Variants in NAT10 observed in about 807,000 individuals in gnomAD.
The protein encoded by NAT10 is RNA cytidine acetyltransferase.
NAT10 carries 109 observed loss-of-function variants against 132.2 expected under a neutral mutation model. The observed-to-expected ratio is 0.82, with a 90% CI of 0.71 to 0.97. The LOEUF (loss-of-function observed/expected upper bound fraction) is 0.97, where lower values mean the gene tolerates loss of function less well. Ranked by LOEUF, NAT10 falls within the 50% of genes least tolerant of loss-of-function variation. The pLI is 0.00. For synonymous variants in NAT10, 479 were observed against 478.0 expected, an observed-to-expected ratio of 1.00 and a Z score of -0.03; for missense variants, 1,184 against 1,263.4, an observed-to-expected ratio of 0.94 and a Z score of 0.95.
At chr11:34,138,238 G>A (rs190215406) in intron 21 of NAT10, among the ~76,000 whole-genome samples, 79 of 152,218 alleles carry the variant, frequency 5.2e-4, no homozygotes, top group African/African-American at 1.8e-3. Context: ...TTCATCCTTC[G>A]GAACAGGGAA....
chr11:34,121,431 G>T (rs1012252264), intron 8 of NAT10, among the ~76,000 whole-genome samples: 2 of 152,136 alleles, frequency 1.3e-5, no homozygotes, highest in African/African-American at 4.8e-5. Flanking sequence ...GGAGGCTTTG[G>T]CCCAAGCAGT....
chr11:34,135,084 G>C lies in NAT10; in HGVS notation c.1912-91G>C, dbSNP rs7101607. 270 of 988,740 alleles carry C rather than the reference G, an allele frequency of 2.7e-4. 2 individuals are homozygous for C. In the African/African-American group the frequency reaches 4.0e-3, roughly 15 times the overall value. 61.2% of individuals were successfully genotyped at this position (988,740 alleles called of 1,614,324 possible). ...CCGTGCTGTTTGACAGGGAGGGAAG[G>C]TTCTCTAGAAGCAATGCAGGGGAGT... On this transcript the variant is annotated intron_variant, in intron 18 of 28. Coordinates refer to ENST00000257829, the MANE Select transcript of NAT10 (RefSeq NM_024662.3).
chr11:34,122,652 G>T, intron 9 of NAT10, 60 bp downstream of exon 9: 1 of 1,594,534 alleles, frequency 6.3e-7, no homozygotes. Context: ...TAGTGTGCAG[G>T]GTTGGGGTCA....
intron 6 of NAT10, 30 bp downstream of exon 6, chr11:34,115,914 G>C (rs755816824): frequency 2.0e-4 from 322 of 1,608,092 alleles, no homozygotes; most frequent in Middle Eastern, 3.3e-4. Flanking sequence ...CAATTGTGGG[G>C]CAGCCACATT....
At position 34,139,561 on chromosome 11, in the gene NAT10, G is replaced by A. The variant is rs940532641; in HGVS notation, c.2419+66G>A. ...TGGCTGTGTGGGAGGTGGGTGTGGT[G>A]TCCTAGGAAGGGTTTGGGCTGGAAA... On this transcript the variant is annotated intron_variant, in intron 23 of 28. Coordinates refer to ENST00000257829, the MANE Select transcript of NAT10 (RefSeq NM_024662.3). 9.3e-5 allele frequency: 131 copies of A among 1,409,374 alleles called. 1 individual carries two copies. The highest frequency in any genetic ancestry group is 1.7e-5 in the Non-Finnish European group (17 of 996,676). The allele number at this position is 1,409,374 out of a possible 1,614,324, so 87.3% of individuals were successfully genotyped here. A position where few individuals can be genotyped will look rare whatever the true frequency, so the allele number is the denominator to read the frequency against.
chr11:34,129,250 C>T (rs1322314779), intron 12 of NAT10, among the ~76,000 whole-genome samples: 1 of 152,204 alleles, frequency 6.6e-6, no homozygotes, highest in African/African-American at 2.4e-5. Flanking sequence ...ACGTTCCCAC[C>T]AGCAGTATGA....
At position 34,138,675 on chromosome 11, in the gene NAT10, G is replaced by A. The variant is rs77680448; in HGVS notation, c.2212-516G>A. Reference sequence around the variant, plus strand: ...TGTGACTTGGTGGTGTTTTTATGGTGTGGGGCTTTGTTGTTATGGAGTAAA... The same window carrying A: ...TGTGACTTGGTGGTGTTTTTATGGTATGGGGCTTTGTTGTTATGGAGTAAA... On this transcript the variant is annotated intron_variant, in intron 21 of 28. Transcript: ENST00000257829. 9.3e-3 allele frequency among the ~76,000 whole-genome samples: 1,418 copies of A among 152,300 alleles called. 16 individuals carry two copies. Among genetic ancestry groups the A allele is most frequent in the African/African-American group, 0.032 (1,318 of 41,560 alleles).
Position 34,124,357 on chromosome 11 carries a change from T to C in NAT10, c.1064T>C (p.Val355Ala), listed in dbSNP as rs549960154. The change falls in exon 11 of 29, where the codon GTG becomes GCG. Residue 355 changes from valine (V) to alanine (A), a missense_variant. Physicochemically the swap from Val to Ala is moderately conservative, Grantham distance 64. Coordinates refer to ENST00000257829, the MANE Select transcript of NAT10 (RefSeq NM_024662.3). ...CTAAATCCTGAATTTAACAAAGCAG[T>C]GATCAGAGTGAATGTATTTCGAGAA... ...QSLNPEFNKA[V>A]IRVNVFREHR... 1 of 1,614,054 alleles carries C rather than the reference T, an allele frequency of 6.2e-7. No individual in the cohort carries two copies. Among genetic ancestry groups the C allele is most frequent in the South Asian group, 1.1e-5 (1 of 91,070 alleles).
At chr11:34,137,329 A>G (rs867989861) in intron 21 of NAT10, among the ~76,000 whole-genome samples, 63 of 152,208 alleles carry the variant, frequency 4.1e-4, no homozygotes, top group African/African-American at 1.5e-3. Context: ...ATCAAGGGTA[A>G]TTCCTAGAGT....
intron 21 of NAT10, among the ~76,000 whole-genome samples, chr11:34,137,953 A>G (rs1852247581): frequency 6.6e-6 from 1 of 152,124 alleles, no homozygotes. Context: ...AGTGGAGTGG[A>G]GGCTTTGGCC....
intron 11 of NAT10, among the ~76,000 whole-genome samples, chr11:34,126,407 T>C (rs965597358): frequency 6.6e-6 from 1 of 152,268 alleles, no homozygotes; most frequent in Non-Finnish European, 1.5e-5. Context: ...TTTTAACATT[T>C]GTTTTCAAGA....
chr11:34,124,284 G>C lies in NAT10; in HGVS notation c.1009-18G>C. 6.5e-7 allele frequency: 1 copy of C among 1,548,198 alleles called. No individual in the cohort carries two copies. The highest frequency in any genetic ancestry group is 8.9e-7 in the Non-Finnish European group (1 of 1,126,402). On this transcript the variant is annotated intron_variant, in intron 10 of 28. Coordinates refer to ENST00000257829, the MANE Select transcript of NAT10 (RefSeq NM_024662.3). ...AAACTTGTTTCTAAAGTTTGTCATT[G>C]GTTTGACTCCCCACCAGGAACATCT... is the stretch of plus-strand genomic sequence containing the variant.
rs1033098818 is a variant in NAT10 at position 34,143,346 on chromosome 11, A to G, written c.2886-99A>G. ...CACAGCTCAGCCTGGCTTTCATGAC[A>G]GGAAGTGTCTGATAAGAATGTTGTC... On this transcript the variant is annotated intron_variant, in intron 27 of 28. Transcript: ENST00000257829. 5 of 1,052,482 alleles carry G rather than the reference A, an allele frequency of 4.8e-6. No individual in the cohort carries two copies. In the African/African-American group the frequency reaches 6.4e-5, roughly 13 times the overall value. 65.2% of individuals were successfully genotyped at this position (1,052,482 alleles called of 1,614,324 possible).
At position 34,141,758 on chromosome 11, in the gene NAT10, A is replaced by G. The variant is rs1009250933; in HGVS notation, c.2752A>G (p.Met918Val). 2 of 1,614,120 alleles carry G rather than the reference A, an allele frequency of 1.2e-6. No individual in the cohort carries two copies. Among genetic ancestry groups the G allele is most frequent in the Middle Eastern group, 1.7e-4 (1 of 6,020 alleles). The change falls in exon 26 of 29, where the codon ATG (methionine) becomes GTG (valine). Residue 918 changes from methionine (M) to valine (V), a missense_variant. Met to Val is a conservative substitution (Grantham distance 21). Coordinates refer to ENST00000257829, the MANE Select transcript of NAT10 (RefSeq NM_024662.3). The stretch of plus-strand genomic sequence containing the variant: ...TCAGGAAAAGGCCATTGAGGAGCAG[A>G]TGGTGGCAGCGAAGGATGTGGTCAT... ...EVQEKAIEEQMVAAKDVVMEP... is the reference protein window; with the variant it reads ...EVQEKAIEEQVVAAKDVVMEP...
chr11:34,109,842 AG>A (rs1434687298), intron 3 of NAT10, among the ~76,000 whole-genome samples: 1 of 152,196 alleles, frequency 6.6e-6, no homozygotes, highest in Non-Finnish European at 1.5e-5. Flanking sequence ...ACTGCAGACC[AG>A]CTTTCTGTTT....
chr11:34,127,016 C>T (rs1852006491), intron 11 of NAT10, among the ~76,000 whole-genome samples: 1 of 152,166 alleles, frequency 6.6e-6, no homozygotes. Context: ...TCGAGCTATG[C>T]CTCGAGCTCA....
chr11:34,122,458 G>C lies in NAT10; in HGVS notation c.781-1G>C. On this transcript the variant is annotated splice_acceptor_variant, in intron 8 of 28. Transcript: ENST00000257829. LOFTEE classifies it high-confidence loss of function. ...CACCTAATATGTTTCTGTTTCCACA[G>C]GCCAAAGCTGTCTTGAAATTTATCG... is the stretch of plus-strand genomic sequence containing the variant. 6.2e-7 allele frequency: 1 copy of C among 1,614,164 alleles called. No individual in the cohort carries two copies. The highest frequency in any genetic ancestry group is 8.5e-7 in the Non-Finnish European group (1 of 1,180,006).
intron 12 of NAT10, among the ~76,000 whole-genome samples, chr11:34,130,561 T>C (rs1283934553): frequency 6.6e-6 from 1 of 152,238 alleles, no homozygotes; most frequent in African/African-American, 2.4e-5. Context: ...GAGATTCAGC[T>C]CCTTGCCCAA....
In NAT10 at chr11:34,113,729, T is replaced by G; in HGVS notation, c.386T>G (p.Leu129Ter). The G allele has an allele frequency of 6.2e-7, 1 of 1,612,720 alleles. No homozygotes were observed. The highest frequency in any genetic ancestry group is 1.3e-5 in the African/African-American group (1 of 74,802). Residue 129 changes from leucine (L) to a stop codon, truncating the protein, a stop_gained, in exon 5 of 29, where the codon TTA becomes TGA. Coordinates refer to ENST00000257829, the MANE Select transcript of NAT10 (RefSeq NM_024662.3). LOFTEE classifies it high-confidence loss of function. ...GMCVLQDFEA[L>*]TPNLLARTVE... ...CCCTTCTTCCAGGATTTTGAAGCCT[T>G]AACTCCAAACTTGCTGGCCAGGACT...
Sources: gnomAD v4.1 joint callset for allele counts (sites outside exome capture counted in the v4.1 genomes callset) on GRCh38, gnomAD v4.1.1 for gene constraint, MANE v1.5 for transcripts, NCBI Gene and HGNC (gene_info 2026-07-23, HGNC 2026-07-21) for gene names.